Variants in PTPRH observed in about 807,000 individuals in gnomAD.
PTPRH encodes receptor-type tyrosine-protein phosphatase H.
A neutral mutation model predicts 130.2 loss-of-function variants in PTPRH; 113 were observed. The observed-to-expected ratio is 0.87, with a 90% CI of 0.75 to 1.01. PTPRH has a LOEUF of 1.01. Ranked by LOEUF, PTPRH falls within the 50% of genes least tolerant of loss-of-function variation. The pLI is 0.00. For synonymous variants in PTPRH, 556 were observed against 577.9 expected, an observed-to-expected ratio of 0.96 and a Z score of 0.54; for missense variants, 1,430 against 1,425.0, an observed-to-expected ratio of 1.00 and a Z score of -0.06.
chr19:55,197,605 G>A (rs764107970), intron 8 of PTPRH, among the ~76,000 whole-genome samples, 189 bp from the exon 9 acceptor site: 103 of 152,188 alleles, frequency 6.8e-4, no homozygotes, highest in African/African-American at 2.3e-3. Context: ...AGCCCTCTCC[G>A]TCCCCTGGCT....
rs1254927252 is a variant in PTPRH at position 55,206,910 on chromosome 19, C to G, written c.131G>C (p.Ser44Thr). ...RNLTVETQTT[S>T]SISLSWEVPD... Reference sequence around the variant, plus strand: ...GACCTCCCAGCTCAGGGAGATGGAGCTGGTGGTCTGAGTCTCCACTGTCAG... The same window carrying G: ...GACCTCCCAGCTCAGGGAGATGGAGGTGGTGGTCTGAGTCTCCACTGTCAG... The change falls in exon 3 of 20, where the codon AGC becomes ACC. Residue 44 changes from serine (S) to threonine (T), a missense_variant. Coordinates refer to ENST00000376350, the MANE Select transcript of PTPRH (RefSeq NM_002842.5). The G allele has an allele frequency of 2.5e-6, 4 of 1,611,370 alleles. No individual in the cohort carries two copies. The South Asian group carries it at 4.4e-5, about 18-fold the overall frequency.
At position 55,196,664 on chromosome 19, in the gene PTPRH, G is replaced by T. The variant is rs771642693; in HGVS notation, c.2115C>A (p.Gly705=). 3 of 1,614,046 alleles carry T rather than the reference G, an allele frequency of 1.9e-6. No homozygotes were observed. The highest frequency in any genetic ancestry group is 4.5e-5 in the East Asian group (2 of 44,854). The change falls in exon 10 of 20, where the codon GGC becomes GGA. Residue 705 remains glycine (G), a synonymous_variant. Coordinates refer to ENST00000376350, the MANE Select transcript of PTPRH (RefSeq NM_002842.5). ...CCCCACATGAAGATCTGTCCTGGGAGCCCCGCTGTCCTCCCACCTCCAACT... is the reference window on the plus strand; with the variant it reads ...CCCCACATGAAGATCTGTCCTGGGATCCCCGCTGTCCTCCCACCTCCAACT... ...AFELEVGGQR[G]SQDRSSCGEA... is the part of the protein sequence containing the mutation.
At chr19:55,183,466 G>A (rs1375499402) in intron 18 of PTPRH, among the ~76,000 whole-genome samples, 1 of 152,148 alleles carries the variant, frequency 6.6e-6, no homozygotes, top group African/African-American at 2.4e-5. Context: ...GCTCACGCCT[G>A]TAATCCCAGC....
At position 55,181,672 on chromosome 19, in the gene PTPRH, C is replaced by T; in HGVS notation, c.*82G>A. On this transcript the variant is annotated 3_prime_UTR_variant, in exon 20 of 20. Transcript: ENST00000376350. ...CACCCAGGAGTCTGGGAGCCCAGCCCTCTGCTCTTCCAGGAATCTGGGCTC... is the reference window on the plus strand; with the variant it reads ...CACCCAGGAGTCTGGGAGCCCAGCCTTCTGCTCTTCCAGGAATCTGGGCTC... 1.3e-6 allele frequency: 2 copies of T among 1,570,150 alleles called. No individual in the cohort carries two copies. Among genetic ancestry groups the T allele is most frequent in the South Asian group, 1.2e-5 (1 of 86,788 alleles).
At chr19:55,183,188 G>A (rs2086224981) in intron 18 of PTPRH, among the ~76,000 whole-genome samples, 1 of 146,460 alleles carries the variant, frequency 6.8e-6, no homozygotes, top group African/African-American at 2.5e-5. Context: ...GAGGTCAGGA[G>A]ATTGAGACCA....
chr19:55,203,281 T>A (rs907755368), intron 5 of PTPRH, among the ~76,000 whole-genome samples: 1 of 140,088 alleles, frequency 7.1e-6, no homozygotes, highest in East Asian at 2.1e-4. Context: ...GAGCCAAGAT[T>A]GCGCCACTGC....
In PTPRH at chr19:55,196,543, C is replaced by T; in HGVS notation, c.2236G>A (p.Val746Ile). Reference protein sequence around the residue: ...DGMKVVSHSVVCHTESAGVIA... With the variant: ...DGMKVVSHSVICHTESAGVIA... ...TCACCTGCACTCTCGGTGTGGCAGA[C>T]CACAGAGTGAGACACGACCTTCATT... The change falls in exon 10 of 20, where the codon GTC becomes ATC. Residue 746 changes from valine (V) to isoleucine (I), a missense_variant. Transcript: ENST00000376350. 1 of 1,612,376 alleles carries T rather than the reference C, an allele frequency of 6.2e-7. No individual in the cohort carries two copies.
chr19:55,207,051 C>A (rs955822360), intron 2 of PTPRH, 96 bp from the exon 3 acceptor site: 6 of 1,555,778 alleles, frequency 3.9e-6, no homozygotes, highest in East Asian at 4.5e-5. Context: ...GAAACAACGG[C>A]GCTCATAAAC....
intron 10 of PTPRH, chr19:55,194,053 T>G: frequency 1.4e-6 from 1 of 737,960 alleles, no homozygotes; most frequent in Non-Finnish European, 1.9e-6. Flanking sequence ...TTTCTCCATG[T>G]TCGTCAGGCT....
rs145420585 is a variant in PTPRH at position 55,197,309 on chromosome 19, C to A, written c.1798G>T (p.Val600Phe). 3 of 1,614,246 alleles carry A rather than the reference C, an allele frequency of 1.9e-6. No individual in the cohort carries two copies. Among genetic ancestry groups the A allele is most frequent in the Non-Finnish European group, 2.5e-6 (3 of 1,180,046 alleles). The change falls in exon 9 of 20, where the codon GTC (valine) becomes TTC (phenylalanine). Residue 600 changes from valine to phenylalanine, a missense_variant. Transcript: ENST00000376350. ...GGATGTCCCTTGCTGGCCCACTGGA[C>A]CCAGTATACGTACAACTGAGAGTGG... ...DPHSQLYVYW[V>F]QWASKGHPRR...
intron 4 of PTPRH, 75 bp downstream of exon 4, chr19:55,205,251 T>G: frequency 6.3e-7 from 1 of 1,584,218 alleles, no homozygotes; most frequent in Non-Finnish European, 8.6e-7. Flanking sequence ...GACTATGGAA[T>G]AGAAATCCGC....
Position 55,203,813 on chromosome 19 carries a change from A to T in PTPRH, c.855T>A (p.Asn285Lys), listed in dbSNP as rs1350817850. The T allele has an allele frequency of 5.6e-6, 9 of 1,612,918 alleles. No homozygotes were observed. Among genetic ancestry groups the T allele is most frequent in the African/African-American group, 1.3e-5 (1 of 74,880 alleles). Residue 285 changes from asparagine (N) to lysine (K), a missense_variant, in exon 5 of 20, where the codon AAT becomes AAA. Transcript: ENST00000376350. ...CSVWVEKDGV[N>K]SSVEIVTSAT... ...CACTAGTGACAATCTCCACAGAGCT[A>T]TTTACTCCGTCTTTCTCCACCCACA... is the stretch of plus-strand genomic sequence containing the variant.
At chr19:55,186,061 G>A (rs2086314477) in intron 16 of PTPRH, 77 bp from the exon 17 acceptor site, 2 of 1,605,716 alleles carry the variant, frequency 1.2e-6, no homozygotes, top group Non-Finnish European at 1.7e-6. Context: ...CCCCAAATGT[G>A]AACCAGCAGA....
In PTPRH at chr19:55,181,855, A is replaced by C. The variant is rs769065188; in HGVS notation, c.3247T>G (p.Ser1083Ala). The C allele has an allele frequency of 6.2e-7, 1 of 1,614,112 alleles. No individual in the cohort carries two copies. Among genetic ancestry groups the C allele is most frequent in the South Asian group, 1.1e-5 (1 of 91,084 alleles). Residue 1083 changes from serine to alanine, a missense_variant, in exon 20 of 20, where the codon TCA becomes GCA. Transcript: ENST00000376350. ...HQCILRFLQQ[S>A]AQAPAEKEVP... ...TCCTTCTCGGCTGGGGCCTGGGCTG[A>C]CTGTTGGAGGAACCGCAGGATGCAC...
At chr19:55,186,182 G>A (rs375235197) in intron 16 of PTPRH, 43 bp downstream of exon 16, 39 of 1,586,712 alleles carry the variant, frequency 2.5e-5, no homozygotes, top group Admixed American at 3.4e-5. Context: ...TGTTCGGGGC[G>A]GGGTCCTGCA....
At chr19:55,196,495 C>T (rs2147491328) in intron 10 of PTPRH, 27 bp downstream of exon 10, 1 of 1,591,882 alleles carries the variant, frequency 6.3e-7, no homozygotes, top group East Asian at 2.2e-5. Flanking sequence ...TTCATCATAG[C>T]TGGCTGGCCC....
chr19:55,186,553 G>A lies in PTPRH; in HGVS notation c.2567-13C>T, dbSNP rs1568893062. ...CGGGACCAGTCATCTAGGAGAAGAG[G>A]CCAGCATTAGCCAGGCAGAGAGACC... On this transcript the variant is annotated splice_polypyrimidine_tract_variant and intron_variant, in intron 14 of 19. Coordinates refer to ENST00000376350, the MANE Select transcript of PTPRH (RefSeq NM_002842.5). The A allele has an allele frequency of 3.1e-6, 5 of 1,613,636 alleles. No homozygotes were observed. The highest frequency in any genetic ancestry group is 4.5e-5 in the East Asian group (2 of 44,886).
chr19:55,190,864 C>T (rs892389176), intron 12 of PTPRH, among the ~76,000 whole-genome samples: 12 of 151,418 alleles, frequency 7.9e-5, no homozygotes, highest in African/African-American at 2.2e-4. Flanking sequence ...TTTTTTGAGA[C>T]GGAGTCTCGA....
In PTPRH at chr19:55,198,854, C is replaced by A. The variant is rs2086769611; in HGVS notation, c.1479G>T (p.Leu493Phe). ...KQDWTNSTIA[L>F]RWTAPQGPGQ... ...CTGGGCCCTGGGGAGCTGTCCAGCG[C>A]AAAGCAATGGTGCTGTTGGTCCAGT... is the stretch of plus-strand genomic sequence containing the variant. Residue 493 changes from leucine to phenylalanine, a missense_variant, in exon 8 of 20, where the codon TTG becomes TTT. Leu to Phe is a conservative substitution (Grantham distance 22, BLOSUM62 0). Coordinates refer to ENST00000376350, the MANE Select transcript of PTPRH (RefSeq NM_002842.5). 2 of 1,578,048 alleles carry A rather than the reference C, an allele frequency of 1.3e-6. No homozygotes were observed. The highest frequency in any genetic ancestry group is 1.4e-5 in the African/African-American group (1 of 73,992).
Sources: allele counts gnomAD v4.1 joint callset (sites outside exome capture counted in the v4.1 genomes callset), GRCh38; gene constraint gnomAD v4.1.1; transcripts MANE v1.5; gene names NCBI Gene and HGNC (gene_info 2026-07-23, HGNC 2026-07-21).